The following GABRB1 variants were observed in gnomAD, a reference collection of about 807,000 sequenced individuals.
GABRB1 encodes the protein gamma-aminobutyric acid receptor subunit beta-1.
Under a neutral mutation model 51.6 loss-of-function variants are expected in GABRB1, and 17 were observed. The observed-to-expected ratio is 0.33, with a 90% CI of 0.23 to 0.49. GABRB1 has a LOEUF of 0.49. GABRB1 is among the 20% of genes least tolerant of loss of function. GABRB1 has a pLI of 0.99. For missense variants in GABRB1, 410 were observed against 600.6 expected (o/e 0.68, Z 3.32); for synonymous variants, 247 against 218.9 (o/e 1.13, Z -1.14).
intron 1 of GABRB1, among the ~76,000 whole-genome samples, chr4:47,003,725 A>G (rs956510899): frequency 2.0e-5 from 3 of 152,214 alleles, no homozygotes; most frequent in Non-Finnish European, 4.4e-5. Flanking sequence ...TGTAATTGCT[A>G]ACTACCAGAA....
At chr4:47,119,539 G>A (rs1387112557) in intron 3 of GABRB1, among the ~76,000 whole-genome samples, 12 of 142,622 alleles carry the variant, frequency 8.4e-5, no homozygotes, top group Admixed American at 4.4e-4. Context: ...ACTGAGTTTC[G>A]CTCTTGTTGC....
chr4:47,420,292 G>A (rs1294000762), intron 8 of GABRB1, among the ~76,000 whole-genome samples: 1 of 152,156 alleles, frequency 6.6e-6, no homozygotes, highest in African/African-American at 2.4e-5. Flanking sequence ...TCAGTGGGGA[G>A]CAGTGAGAGG....
At chr4:47,145,944 T>C (rs1237444258) in intron 3 of GABRB1, among the ~76,000 whole-genome samples, 1 of 152,092 alleles carries the variant, frequency 6.6e-6, no homozygotes, top group Non-Finnish European at 1.5e-5. Context: ...TTTTTTTTCT[T>C]CTTAAAACTC....
chr4:47,121,357 C>T (rs1243362316), intron 3 of GABRB1, among the ~76,000 whole-genome samples: 5 of 152,134 alleles, frequency 3.3e-5, no homozygotes, highest in Non-Finnish European at 7.4e-5. Flanking sequence ...TGGGTGGCAT[C>T]GGAAAATCAA....
Position 47,265,442 on chromosome 4 carries a change from T to G in GABRB1, c.462-54685T>G, listed in dbSNP as rs113231264. ...TGAGCGCAGATATCTTTTGACATAA[T>G]AATTTATTTTCCTTTGGGTGTGGGA... On this transcript the variant is annotated intron_variant, in intron 4 of 8. Coordinates refer to ENST00000295454, the MANE Select transcript of GABRB1 (RefSeq NM_000812.4). 7.6e-4 allele frequency among the ~76,000 whole-genome samples: 116 copies of G among 152,204 alleles called. 2 individuals are homozygous for G. Among genetic ancestry groups the G allele is most frequent in the African/African-American group, 2.5e-3 (104 of 41,556 alleles).
chr4:47,183,940 T>TA (rs977885364), intron 4 of GABRB1, among the ~76,000 whole-genome samples: 3 of 151,934 alleles, frequency 2.0e-5, no homozygotes, highest in African/African-American at 7.2e-5. Flanking sequence ...TTCACTCAGT[T>TA]AGTCTCCCAT....
At chr4:47,002,571 G>T (rs1724261345) in intron 1 of GABRB1, among the ~76,000 whole-genome samples, 1 of 152,048 alleles carries the variant, frequency 6.6e-6, no homozygotes, top group South Asian at 2.1e-4. Flanking sequence ...TAGCAGAAAT[G>T]TATGTGTTTT....
chr4:47,246,390 AT>A (rs1257996610), intron 4 of GABRB1, among the ~76,000 whole-genome samples: 4 of 65,896 alleles, frequency 6.1e-5, no homozygotes, highest in African/African-American at 2.0e-4. Flanking sequence ...ATATATATAT[AT>A]ATATAAAATA....
At chr4:47,073,665 G>C (rs781135715) in intron 3 of GABRB1, among the ~76,000 whole-genome samples, 8 of 152,122 alleles carry the variant, frequency 5.3e-5, no homozygotes, top group Admixed American at 3.9e-4. Context: ...CTCTTGAGCC[G>C]TAATCTCCTG....
chr4:47,333,393 G>C (rs1725575906), intron 5 of GABRB1, among the ~76,000 whole-genome samples: 1 of 151,882 alleles, frequency 6.6e-6, no homozygotes, highest in Admixed American at 6.6e-5. Flanking sequence ...TAAAATGTAT[G>C]TTTGAATGAA....
At chr4:47,378,255 AT>A (rs1273656285) in intron 5 of GABRB1, among the ~76,000 whole-genome samples, 1 of 152,184 alleles carries the variant, frequency 6.6e-6, no homozygotes, top group Non-Finnish European at 1.5e-5. Flanking sequence ...GCCAGCACTG[AT>A]GGGGGGACCC....
intron 1 of GABRB1, among the ~76,000 whole-genome samples, chr4:47,023,459 T>C (rs1217514638): frequency 6.6e-6 from 1 of 152,028 alleles, no homozygotes; most frequent in African/African-American, 2.4e-5. Context: ...TTTATTAAAA[T>C]TGCCATTTTC....
chr4:47,243,518 A>G (rs1721616703), intron 4 of GABRB1, among the ~76,000 whole-genome samples: 1 of 152,216 alleles, frequency 6.6e-6, no homozygotes, highest in Non-Finnish European at 1.5e-5. Flanking sequence ...CCTACCCATG[A>G]GCATGGAATG....
chr4:47,055,489 G>A (rs905521124), intron 3 of GABRB1, among the ~76,000 whole-genome samples: 2 of 152,158 alleles, frequency 1.3e-5, no homozygotes, highest in Admixed American at 6.5e-5. Context: ...ACACGAGCAT[G>A]CACTTTGTCG....
chr4:47,094,253 T>C (rs1191828064), intron 3 of GABRB1, among the ~76,000 whole-genome samples: 2 of 140,124 alleles, frequency 1.4e-5, no homozygotes, highest in Non-Finnish European at 3.1e-5. Context: ...TTTGACAGAG[T>C]CTTGCTCTGT....
At chr4:46,998,757 T>C (rs955852636) in intron 1 of GABRB1, among the ~76,000 whole-genome samples, 2 of 117,688 alleles carry the variant, frequency 1.7e-5, no homozygotes, top group African/African-American at 6.3e-5. Flanking sequence ...AAAAAAAAAG[T>C]GGAAAGAATA....
intron 3 of GABRB1, among the ~76,000 whole-genome samples, chr4:47,115,378 T>G (rs990280370): frequency 6.6e-6 from 1 of 152,138 alleles, no homozygotes; most frequent in African/African-American, 2.4e-5. Flanking sequence ...TATTCTATCT[T>G]GTACCACTGT....
intron 1 of GABRB1, among the ~76,000 whole-genome samples, chr4:47,008,629 ATTTTTTTTTT>A (rs71193894): frequency 5.1e-5 from 6 of 117,484 alleles, no homozygotes; most frequent in South Asian, 2.9e-4. Context: ...CACCCAGCTA[ATTTTTTTTTT>A]TTTTTTTTTT....
chr4:47,196,605 A>G (rs191360394), intron 4 of GABRB1, among the ~76,000 whole-genome samples: 1 of 152,356 alleles, frequency 6.6e-6, no homozygotes, highest in East Asian at 1.9e-4. Flanking sequence ...GGCTCACCAA[A>G]GGACAGAAGT....
Sources: gnomAD v4.1 joint callset for allele counts (sites outside exome capture counted in the v4.1 genomes callset) on GRCh38, gnomAD v4.1.1 for gene constraint, MANE v1.5 for transcripts, NCBI Gene and HGNC (gene_info 2026-07-23, HGNC 2026-07-21) for gene names.